TYRO3: variants seen among roughly 807,000 people sequenced by gnomAD.
TYRO3 encodes the protein tyrosine-protein kinase receptor TYRO3.
A neutral mutation model predicts 95.2 loss-of-function variants in TYRO3; 38 were observed. The observed-to-expected ratio is 0.40, with a 90% confidence interval of 0.31 to 0.52. The LOEUF is 0.52. Among genes scored for constraint, TYRO3 ranks in the 20% least tolerant of loss-of-function variants. The pLI, the probability that TYRO3 is intolerant of heterozygous loss-of-function variation, is 0.56. For missense variants in TYRO3, 812 were observed against 1,116.4 expected (o/e 0.73, Z 3.89); for synonymous variants, 367 against 432.9 (o/e 0.85, Z 1.89).
intron 3 of TYRO3, 127 bp downstream of exon 3, chr15:41,561,766 C>A (rs1046688078): frequency 3.0e-6 from 2 of 670,956 alleles, no homozygotes; most frequent in Non-Finnish European, 4.9e-6. Context: ...CCTGGTTGTC[C>A]AGGCTGTAGG....
chr15:41,564,917 G>A (rs567409850), intron 5 of TYRO3, 109 bp from the exon 6 acceptor site: 2 of 714,444 alleles, frequency 2.8e-6, no homozygotes, highest in East Asian at 2.7e-5. Context: ...GCCGTCTTTA[G>A]GTTGGGGATG....
rs56136559 is a variant in TYRO3, at chr15:41,573,115, C to T, written c.1985+4C>T. 1.0e-3 allele frequency: 975 copies of T among 971,306 alleles called. 10 individuals carry two copies. The East Asian group carries it at 0.019, about 19-fold the overall frequency. The allele number at this position is 971,306 out of a possible 1,614,324, so 60.2% of individuals were successfully genotyped here. A position where few individuals can be genotyped will look rare whatever the true frequency, so the allele number is the denominator to read the frequency against. ...ACCTGGCTGCTCGGAATTGCATGTA[C>T]GAATTCTGGAGGACTCGAGGGTGGG... On this transcript the variant is annotated splice_donor_region_variant and intron_variant, in intron 16 of 18. Transcript: ENST00000263798.
chr15:41,561,323 G>A lies in TYRO3; in HGVS notation c.308+13G>A, dbSNP rs751861598. The A allele has an allele frequency of 9.3e-6, 15 of 1,604,336 alleles. No individual in the cohort carries two copies. Among genetic ancestry groups the A allele is most frequent in the South Asian group, 2.2e-5 (2 of 89,740 alleles). On this transcript the variant is annotated intron_variant, in intron 2 of 18. Coordinates refer to ENST00000263798, the MANE Select transcript of TYRO3 (RefSeq NM_006293.4). Reference sequence around the variant, plus strand: ...TCGGCTTCCTCAGGTGCAGGCCTGTGGGGGAAGGTGTGGGCTGCCAGCCAG... The same window carrying A: ...TCGGCTTCCTCAGGTGCAGGCCTGTAGGGGAAGGTGTGGGCTGCCAGCCAG...
rs559826477 is a variant in TYRO3 at position 41,566,392 on chromosome 15, C to T, written c.784-968C>T. 1.3e-3 allele frequency among the ~76,000 whole-genome samples: 188 copies of T among 149,900 alleles called. 1 individual carries two copies. Among genetic ancestry groups the T allele is most frequent in the Non-Finnish European group, 1.5e-3 (103 of 67,476 alleles). ...CCTCCTTTGGCCACACCCCTTTCCC[C>T]GGGGCAAAGAGCCTACAGGGCCAAG... On this transcript the variant is annotated intron_variant, in intron 6 of 18. Coordinates refer to ENST00000263798, the MANE Select transcript of TYRO3 (RefSeq NM_006293.4).
rs966738709 is a variant in TYRO3, at chr15:41,580,655, G to C, written c.*2379G>C. The C allele has an allele frequency of 2.0e-5, 3 of 147,512 alleles. No homozygotes were observed. Among genetic ancestry groups the C allele is most frequent in the Non-Finnish European group, 3.0e-5 (2 of 67,394 alleles). The allele number at this position is 147,512 out of a possible 1,614,324, so 9.1% of individuals were successfully genotyped here. A position where few individuals can be genotyped will look rare whatever the true frequency, so the allele number is the denominator to read the frequency against. ...TTTTTTTTTTTTGAGACGGAGTCTC[G>C]AGTCTCTCTCTGTCGCCCAGGCTAG... is the stretch of plus-strand genomic sequence containing the variant. On this transcript the variant is annotated 3_prime_UTR_variant, in exon 19 of 19. Transcript: ENST00000263798.
chr15:41,567,610 G>A (rs894496454), intron 7 of TYRO3, 73 bp downstream of exon 7: 35 of 1,345,104 alleles, frequency 2.6e-5, no homozygotes, highest in African/African-American at 4.5e-5. Context: ...CTGGAGTTCT[G>A]AATGGTGCTG....
In TYRO3 at chr15:41,571,136, G is replaced by A; in HGVS notation, c.1660+18G>A. 1.4e-6 allele frequency: 2 copies of A among 1,480,192 alleles called. No homozygotes were observed. Among genetic ancestry groups the A allele is most frequent in the Non-Finnish European group, 1.9e-6 (2 of 1,056,700 alleles). The allele number at this position is 1,480,192 out of a possible 1,614,324, so 91.7% of individuals were successfully genotyped here. A position where few individuals can be genotyped will look rare whatever the true frequency, so the allele number is the denominator to read the frequency against. On this transcript the variant is annotated intron_variant, in intron 13 of 18. Coordinates refer to ENST00000263798, the MANE Select transcript of TYRO3 (RefSeq NM_006293.4). The stretch of plus-strand genomic sequence containing the variant: ...GCTGAAAGGTGAGTGGGGGATAGCT[G>A]TAGCCTGAGGGCATCACTTGGAAGG...
intron 5 of TYRO3, chr15:41,564,789 C>G (rs115828781): frequency 1.7e-5 from 9 of 522,822 alleles, no homozygotes; most frequent in Non-Finnish European, 2.8e-5. Context: ...TTACACAGGG[C>G]CTTCGTGGCA....
rs927641537 is a variant in TYRO3, at chr15:41,569,095, A to G, written c.1252+73A>G. On this transcript the variant is annotated intron_variant, in intron 9 of 18. Coordinates refer to ENST00000263798, the MANE Select transcript of TYRO3 (RefSeq NM_006293.4). ...TTCAAGGGCAACCTAGACTGATGGG[A>G]GGAGCCTAGTAGCATCTCCCCTCCT... The G allele has an allele frequency of 2.6e-6, 4 of 1,567,468 alleles. No homozygotes were observed. In the Admixed American group the frequency reaches 5.1e-5, roughly 20 times the overall value.
intron 13 of TYRO3, 73 bp downstream of exon 13, chr15:41,571,191 C>A: frequency 7.0e-7 from 1 of 1,433,922 alleles, no homozygotes; most frequent in Non-Finnish European, 9.8e-7. Flanking sequence ...CTGAAGCAGG[C>A]TCTGCTTTGC....
At chr15:41,576,006 AG>A (rs1173378054) in intron 18 of TYRO3, among the ~76,000 whole-genome samples, 4 of 148,524 alleles carry the variant, frequency 2.7e-5, no homozygotes, top group Non-Finnish European at 5.9e-5. Context: ...TGGGAAGCTG[AG>A]GCAGGAGAAT....
intron 9 of TYRO3, 57 bp from the exon 10 acceptor site, chr15:41,569,970 T>A (rs2055773286): frequency 4.4e-6 from 7 of 1,579,666 alleles, no homozygotes; most frequent in Non-Finnish European, 6.0e-6. Context: ...CTGGGAAAGT[T>A]CTGAAGGGAC....
chr15:41,571,212 T>C, intron 13 of TYRO3, 94 bp downstream of exon 13: 1 of 1,249,546 alleles, frequency 8.0e-7, no homozygotes, highest in South Asian at 1.2e-5. Context: ...CCCTAGATTT[T>C]CCAAGAAGAG....
At chr15:41,570,808 G>A in intron 12 of TYRO3, 109 bp downstream of exon 12, 1 of 1,114,548 alleles carries the variant, frequency 9.0e-7, no homozygotes, top group Non-Finnish European at 1.4e-6. Flanking sequence ...CCGTAAACAA[G>A]ATATGCTTGT....
intron 17 of TYRO3, 44 bp from the exon 18 acceptor site, chr15:41,573,635 G>A: frequency 7.6e-6 from 11 of 1,453,880 alleles, no homozygotes; most frequent in Non-Finnish European, 1.0e-5. Flanking sequence ...CCTGGCTCAG[G>A]ACACCTAGTG....
At chr15:41,573,519 T>C (rs1218728274) in intron 17 of TYRO3, 52 bp downstream of exon 17, 1 of 1,611,306 alleles carries the variant, frequency 6.2e-7, no homozygotes, top group Non-Finnish European at 8.5e-7. Flanking sequence ...AGAGCAGACC[T>C]TTAGGATCCT....
intron 15 of TYRO3, 129 bp from the exon 16 acceptor site, chr15:41,572,873 C>T (rs2140832433): frequency 2.5e-6 from 2 of 801,978 alleles, no homozygotes; most frequent in East Asian, 2.7e-5. Context: ...TTGGGAAGGC[C>T]CTCCATCCCC....
chr15:41,568,495 C>T (rs1216251041), intron 8 of TYRO3, 133 bp downstream of exon 8: 1 of 866,798 alleles, frequency 1.2e-6, no homozygotes, highest in Non-Finnish European at 1.8e-6. Flanking sequence ...TCCTTTCCTC[C>T]TCACCCTCCT....
Position 41,573,038 on chromosome 15 carries a change from G to T in TYRO3, c.1912G>T (p.Asp638Tyr). The T allele has an allele frequency of 6.2e-7, 1 of 1,614,208 alleles. No individual in the cohort carries two copies. Among genetic ancestry groups the T allele is most frequent in the Non-Finnish European group, 8.5e-7 (1 of 1,180,050 alleles). Residue 638 changes from aspartate (D) to tyrosine (Y), a missense_variant, in exon 16 of 19, where the codon GAC becomes TAC. By Grantham distance (160) the Asp-to-Tyr change is radical. Transcript: ENST00000263798. The part of the protein sequence containing the change: ...PLQTLIRFMV[D>Y]IACGMEYLSS... Reference sequence around the variant, plus strand: ...CCAGACCCTGATCCGGTTCATGGTGGACATTGCCTGCGGCATGGAGTACCT... The same window carrying T: ...CCAGACCCTGATCCGGTTCATGGTGTACATTGCCTGCGGCATGGAGTACCT...
Sources: gnomAD v4.1 joint callset for allele counts (sites outside exome capture counted in the v4.1 genomes callset) on GRCh38, gnomAD v4.1.1 for gene constraint, MANE v1.5 for transcripts, NCBI Gene and HGNC (gene_info 2026-07-23, HGNC 2026-07-21) for gene names.